Variants in IQCB1 observed in about 807,000 individuals in gnomAD.
IQCB1 encodes IQ motif containing B1.
Under a neutral mutation model 84.4 loss-of-function variants are expected in IQCB1, and 56 were observed. That is an observed-to-expected ratio of 0.66 (90% CI 0.54 to 0.83). IQCB1 has a LOEUF of 0.83. IQCB1 is among the 40% of genes least tolerant of loss of function. The pLI, the probability that IQCB1 is intolerant of heterozygous loss-of-function variation, is 0.00. For missense variants in IQCB1, 629 were observed against 682.1 expected (o/e 0.92, Z 0.87); for synonymous variants, 210 against 234.8 (o/e 0.89, Z 0.96).
At chr3:121,794,113 A>G (rs1949092824) in intron 10 of IQCB1, among the ~76,000 whole-genome samples, 1 of 152,108 alleles carries the variant, frequency 6.6e-6, no homozygotes. Flanking sequence ...ATATTTCCCA[A>G]ATTTATCTAA....
At chr3:121,788,501 A>C in intron 11 of IQCB1, 69 bp from the exon 12 acceptor site, 1 of 1,326,876 alleles carries the variant, frequency 7.5e-7, no homozygotes, top group Non-Finnish European at 1.1e-6. Flanking sequence ...GAATCAGGAC[A>C]ATGATAATAA....
At chr3:121,802,099 T>G (rs543825830) in intron 7 of IQCB1, among the ~76,000 whole-genome samples, 15 of 152,196 alleles carry the variant, frequency 9.9e-5, no homozygotes, top group Admixed American at 4.6e-4. Flanking sequence ...TTTTCTTTTC[T>G]TATAATGTCT....
intron 13 of IQCB1, among the ~76,000 whole-genome samples, chr3:121,779,648 A>C (rs1279960584): frequency 6.6e-6 from 1 of 152,022 alleles, no homozygotes; most frequent in Non-Finnish European, 1.5e-5. Context: ...CTGTTTTCCT[A>C]CTTCCATGCA....
chr3:121,773,700 C>T (rs982555240), intron 13 of IQCB1, among the ~76,000 whole-genome samples: 1 of 151,874 alleles, frequency 6.6e-6, no homozygotes, highest in East Asian at 1.9e-4. Flanking sequence ...GCTAAAGAAG[C>T]ACTTTAAAAA....
At chr3:121,804,034 A>G (rs1409979346) in intron 7 of IQCB1, among the ~76,000 whole-genome samples, 1 of 149,858 alleles carries the variant, frequency 6.7e-6, no homozygotes, top group South Asian at 2.1e-4. Flanking sequence ...TTTTTTAATG[A>G]TTAATTTTTA....
intron 4 of IQCB1, 77 bp from the exon 5 acceptor site, chr3:121,826,257 T>G (rs555393018): frequency 1.4e-6 from 2 of 1,414,944 alleles, no homozygotes; most frequent in Non-Finnish European, 2.0e-6. Flanking sequence ...CTGTGCCTTA[T>G]TGAGAATTTT....
intron 11 of IQCB1, 124 bp downstream of exon 11, chr3:121,789,949 G>C: frequency 1.2e-6 from 1 of 820,618 alleles, no homozygotes; most frequent in Non-Finnish European, 2.1e-6. Flanking sequence ...AAGTTTATCT[G>C]AAAAACAGAG....
intron 12 of IQCB1, 78 bp from the exon 13 acceptor site, chr3:121,781,952 A>T: frequency 7.2e-7 from 1 of 1,388,914 alleles, no homozygotes; most frequent in African/African-American, 1.4e-5. Flanking sequence ...AACATATGGT[A>T]GTGATCACAT....
At chr3:121,772,495 G>T in intron 14 of IQCB1, 62 bp downstream of exon 14, 1 of 1,544,532 alleles carries the variant, frequency 6.5e-7, no homozygotes, top group South Asian at 1.1e-5. Context: ...TAAAGGTTTT[G>T]GATGTCACAA....
chr3:121,775,444 G>C (rs1948187609), intron 13 of IQCB1, among the ~76,000 whole-genome samples: 1 of 152,158 alleles, frequency 6.6e-6, no homozygotes, highest in Non-Finnish European at 1.5e-5. Context: ...TGGACGCAGG[G>C]AGGGGAACAT....
intron 12 of IQCB1, among the ~76,000 whole-genome samples, chr3:121,782,521 T>C (rs1033971408): frequency 1.3e-5 from 2 of 152,220 alleles, no homozygotes; most frequent in Non-Finnish European, 2.9e-5. Context: ...GAGCTAAAAA[T>C]GTGTGTGTGA....
intron 13 of IQCB1, among the ~76,000 whole-genome samples, chr3:121,780,864 A>G (rs979902469): frequency 2.8e-4 from 42 of 147,576 alleles, no homozygotes; most frequent in Non-Finnish European, 1.2e-4. Context: ...GTGTGTGTGT[A>G]TGTGTGTGTG....
chr3:121,786,215 G>GAAAAGAAAA (rs59609336), intron 12 of IQCB1, among the ~76,000 whole-genome samples: 20 of 147,172 alleles, frequency 1.4e-4, no homozygotes, highest in African/African-American at 2.3e-4. Context: ...GAAAAGAAAA[G>GAAAAGAAAA]GATGCTTTAA....
At chr3:121,815,161 C>T (rs1434640403) in intron 5 of IQCB1, among the ~76,000 whole-genome samples, 4 of 152,160 alleles carry the variant, frequency 2.6e-5, no homozygotes, top group African/African-American at 9.7e-5. Context: ...ACAAAAATCA[C>T]ATGATTATTT....
intron 13 of IQCB1, among the ~76,000 whole-genome samples, chr3:121,775,755 T>C (rs944580201): frequency 1.3e-5 from 2 of 152,204 alleles, no homozygotes; most frequent in Non-Finnish European, 2.9e-5. Flanking sequence ...TATAGCTTTA[T>C]TGACGTAAAA....
At chr3:121,823,863 A>C (rs966012245) in intron 5 of IQCB1, among the ~76,000 whole-genome samples, 2 of 152,236 alleles carry the variant, frequency 1.3e-5, no homozygotes, top group African/African-American at 4.8e-5. Flanking sequence ...ATTTAAAGTA[A>C]AAATAACACA....
intron 5 of IQCB1, among the ~76,000 whole-genome samples, chr3:121,817,805 T>C (rs1177304727): frequency 6.6e-6 from 1 of 151,816 alleles, no homozygotes; most frequent in Non-Finnish European, 1.5e-5. Flanking sequence ...ATGATGGTGG[T>C]GTCCTCAGGA....
At chr3:121,833,446 C>T (rs908126813) in intron 2 of IQCB1, among the ~76,000 whole-genome samples, 3 of 152,158 alleles carry the variant, frequency 2.0e-5, no homozygotes, top group African/African-American at 4.8e-5. Context: ...GCCTCTCTAA[C>T]GTAAAATAGG....
At chr3:121,774,444 G>T (rs904037921) in intron 13 of IQCB1, among the ~76,000 whole-genome samples, 3 of 152,138 alleles carry the variant, frequency 2.0e-5, no homozygotes, top group Non-Finnish European at 4.4e-5. Flanking sequence ...TCACCCAAAA[G>T]AATTGAAAGC....
Sources: allele counts gnomAD v4.1 joint callset (sites outside exome capture counted in the v4.1 genomes callset), GRCh38; gene constraint gnomAD v4.1.1; transcripts MANE v1.5; gene names NCBI Gene and HGNC (gene_info 2026-07-23, HGNC 2026-07-21).